The following RNF17 variants were observed in gnomAD, a reference collection of about 807,000 sequenced individuals.
RNF17 encodes the protein spermatogenesis associated 23.
In RNF17, 31 loss-of-function variants were observed where a neutral mutation model predicts 200.5. The ratio of observed to expected loss-of-function variants is 0.15; its 90% CI spans 0.12 to 0.21. The LOEUF (loss-of-function observed/expected upper bound fraction) is 0.21, where lower values mean the gene tolerates loss of function less well. RNF17 is among the 10% of genes least tolerant of loss of function. The pLI is 1.00. For synonymous variants in RNF17, 606 were observed against 637.8 expected (o/e 0.95, Z 0.75); for missense variants, 1,628 against 1,905.1 (o/e 0.85, Z 2.71).
intron 9 of RNF17, among the ~76,000 whole-genome samples, chr13:24,790,017 C>T (rs2076777405): frequency 6.6e-6 from 1 of 152,056 alleles, no homozygotes; most frequent in Non-Finnish European, 1.5e-5. Context: ...CACTGCTAGG[C>T]ACTAACACCC....
At chr13:24,874,519 C>T (rs927150535) in intron 33 of RNF17, among the ~76,000 whole-genome samples, 28 of 151,720 alleles carry the variant, frequency 1.8e-4, no homozygotes, top group African/African-American at 6.5e-4. Context: ...AAGTGATTCT[C>T]CTGCCTCAGC....
At chr13:24,885,124 T>C in the RNF17 span, 5 of 641,624 alleles carry the variant, frequency 7.8e-6, no homozygotes, top group East Asian at 2.8e-5. Flanking sequence ...CATACAGAGA[T>C]TGTATGCCGC....
rs144007456 is a variant in RNF17 at position 24,809,742 on chromosome 13, A to G, written c.2091+5313A>G. Among the ~76,000 whole-genome samples, 1,458 of 152,078 alleles carry G rather than the reference A, an allele frequency of 9.6e-3. 34 individuals are homozygous for G. The highest frequency in any genetic ancestry group is 0.032 in the African/African-American group (1,346 of 41,478). ...TTTAAATTGTGATGTTAGGGTGTCA[A>G]TTTTGGATCTTTCCTGCTATCTCTT... On this transcript the variant is annotated intron_variant, in intron 15 of 35. Transcript: ENST00000255324.
At chr13:24,755,108 G>A in the RNF17 span, among the ~76,000 whole-genome samples, 1 of 151,958 alleles carries the variant, frequency 6.6e-6, no homozygotes, top group African/African-American at 2.4e-5. Flanking sequence ...TTCTTAAATT[G>A]ATATACTGTG....
intron 34 of RNF17, 64 bp from the exon 35 acceptor site, chr13:24,879,121 GAT>G: frequency 8.2e-7 from 1 of 1,214,508 alleles, no homozygotes; most frequent in Non-Finnish European, 1.2e-6. Flanking sequence ...TGAATGGCCA[GAT>G]ATGAGAGGGA....
At chr13:24,835,175 C>T (rs180820252) in intron 18 of RNF17, among the ~76,000 whole-genome samples, 75 of 152,174 alleles carry the variant, frequency 4.9e-4, no homozygotes, top group African/African-American at 1.7e-3. Context: ...GCAAGACCCA[C>T]CCAAGGAGAG....
chr13:24,883,347 ACTCT>A, downstream of RNF17: 3 of 1,611,438 alleles, frequency 1.9e-6, no homozygotes, highest in Non-Finnish European at 2.5e-6. Context: ...CCATTATTAA[ACTCT>A]ATGAGTTTGT....
At chr13:24,877,233 C>T (rs765009234) in intron 34 of RNF17, 47 bp downstream of exon 34, 68 of 1,498,046 alleles carry the variant, frequency 4.5e-5, no homozygotes, top group Admixed American at 2.0e-4. Context: ...ATTTCTGTGT[C>T]GATACTTTGT....
chr13:24,831,037 A>G (rs1889324298), intron 17 of RNF17, among the ~76,000 whole-genome samples: 1 of 152,236 alleles, frequency 6.6e-6, no homozygotes, highest in Non-Finnish European at 1.5e-5. Flanking sequence ...TTCTGAAAGA[A>G]GGGTAAGAAG....
chr13:24,755,704 A>C, the RNF17 span, among the ~76,000 whole-genome samples: 1 of 152,194 alleles, frequency 6.6e-6, no homozygotes, highest in Non-Finnish European at 1.5e-5. Context: ...ACTTTGGACA[A>C]GGTGTTCTAT....
intron 26 of RNF17, among the ~76,000 whole-genome samples, chr13:24,860,511 G>T (rs1892982816): frequency 6.6e-6 from 1 of 151,984 alleles, no homozygotes; most frequent in Non-Finnish European, 1.5e-5. Context: ...AATTATCTGT[G>T]AGGTATTCAG....
At chr13:24,858,870 A>G in intron 25 of RNF17, 131 bp from the exon 26 acceptor site, 1 of 572,328 alleles carries the variant, frequency 1.7e-6, no homozygotes, top group South Asian at 2.3e-5. Context: ...TTTAAAACAC[A>G]CACAGATTTT....
intron 18 of RNF17, among the ~76,000 whole-genome samples, chr13:24,839,716 T>C (rs747788531): frequency 4.6e-5 from 7 of 152,196 alleles, no homozygotes; most frequent in Non-Finnish European, 8.8e-5. Context: ...TCTCTTACCT[T>C]ATACAAAAAT....
chr13:24,865,158 T>C (rs1893491169), intron 29 of RNF17, among the ~76,000 whole-genome samples, 160 bp downstream of exon 29: 1 of 152,222 alleles, frequency 6.6e-6, no homozygotes, highest in Non-Finnish European at 1.5e-5. Context: ...ATGAATAGGC[T>C]GTGTCATGCA....
chr13:24,813,015 CT>C (rs1314562895), intron 15 of RNF17, among the ~76,000 whole-genome samples: 1 of 152,042 alleles, frequency 6.6e-6, no homozygotes, highest in Non-Finnish European at 1.5e-5. Context: ...AATGGTATCA[CT>C]TTGTGATTTT....
chr13:24,820,674 G>A (rs1887953143), intron 15 of RNF17, among the ~76,000 whole-genome samples: 1 of 151,706 alleles, frequency 6.6e-6, no homozygotes, highest in Non-Finnish European at 1.5e-5. Context: ...GACCTCAAGT[G>A]ATCACCCCCC....
chr13:24,884,390 T>A (rs1417988885), downstream of RNF17: 9 of 1,614,118 alleles, frequency 5.6e-6, no homozygotes, highest in East Asian at 1.8e-4. Context: ...GGTCTTCCCA[T>A]CTGCACTCAC....
chr13:24,883,606 T>C (rs893813745), downstream of RNF17, among the ~76,000 whole-genome samples: 1 of 152,200 alleles, frequency 6.6e-6, no homozygotes, highest in Admixed American at 6.5e-5. Flanking sequence ...TTAGTAACTT[T>C]TTTCAACTTG....
chr13:24,765,454 G>C (rs1312191089), intron 1 of RNF17, among the ~76,000 whole-genome samples: 1 of 152,182 alleles, frequency 6.6e-6, no homozygotes, highest in Non-Finnish European at 1.5e-5. Context: ...TCAAAGTTAA[G>C]GTCATTCGAT....
Sources: allele counts gnomAD v4.1 joint callset (sites outside exome capture counted in the v4.1 genomes callset), GRCh38; gene constraint gnomAD v4.1.1; transcripts MANE v1.5; gene names NCBI Gene and HGNC (gene_info 2026-07-23, HGNC 2026-07-21).